The following BBOF1 variants were observed in gnomAD, a reference collection of about 807,000 sequenced individuals.
The protein encoded by BBOF1 is basal body-orientation factor 1.
A neutral mutation model predicts 68.0 loss-of-function variants in BBOF1; 62 were observed. The observed-to-expected ratio is 0.91, with a 90% confidence interval of 0.74 to 1.13. The LOEUF (loss-of-function observed/expected upper bound fraction) is 1.13, where lower values mean the gene tolerates loss of function less well. BBOF1 is among the 50% of genes most tolerant of loss of function. The pLI is 0.00. For synonymous variants in BBOF1, 208 were observed against 198.8 expected (o/e 1.05, Z -0.39); for missense variants, 534 against 600.1 (o/e 0.89, Z 1.15).
intron 2 of BBOF1, 73 bp from the exon 3 acceptor site, chr14:74,029,111 C>T: frequency 1.1e-6 from 1 of 898,476 alleles, no homozygotes; most frequent in South Asian, 1.5e-5. Context: ...TTGTGTGAAA[C>T]TAGTCTACTT....
At chr14:74,071,608 A>G in intron 9 of BBOF1, 1 of 1,590,008 alleles carries the variant, frequency 6.3e-7, no homozygotes, top group Non-Finnish European at 8.5e-7. Context: ...GAAGGGGTGC[A>G]GGGTACACTG....
At chr14:74,040,276 AC>A (rs1309470683) in intron 4 of BBOF1, among the ~76,000 whole-genome samples, 1 of 152,212 alleles carries the variant, frequency 6.6e-6, no homozygotes, top group Admixed American at 6.5e-5. Flanking sequence ...GGTGTGAGCC[AC>A]CGTGCTCAGC....
intron 5 of BBOF1, among the ~76,000 whole-genome samples, chr14:74,042,037 AAACAACAAC>A (rs147407110): frequency 6.6e-6 from 1 of 151,832 alleles, no homozygotes; most frequent in Non-Finnish European, 1.5e-5. Flanking sequence ...ACTCTGTCTC[AAACAACAAC>A]AACAACAACA....
chr14:74,062,197 C>CA (rs1440226577), intron 11 of BBOF1, among the ~76,000 whole-genome samples: 2 of 151,388 alleles, frequency 1.3e-5, no homozygotes, highest in South Asian at 4.2e-4. Context: ...ACTCCCATCT[C>CA]AAAAAAATAA....
intron 10 of BBOF1, among the ~76,000 whole-genome samples, chr14:74,080,334 A>G (rs2060658031): frequency 6.6e-6 from 1 of 151,578 alleles, no homozygotes; most frequent in Non-Finnish European, 1.5e-5. Flanking sequence ...ATAGCTTCCT[A>G]ACACATCTCT....
rs768819153 is a variant in BBOF1, at chr14:74,071,895, C to T, written n.1380-6301C>T. 9.3e-6 allele frequency: 15 copies of T among 1,614,122 alleles called. No homozygotes were observed. Among genetic ancestry groups the T allele is most frequent in the Middle Eastern group, 1.7e-4 (1 of 6,060 alleles). Reference sequence around the variant, plus strand: ...AGTCCCATAAGGGGCTCCCAGCTTACGAAGGCCTCGAAATACATCTCCTTC... The same window carrying T: ...AGTCCCATAAGGGGCTCCCAGCTTATGAAGGCCTCGAAATACATCTCCTTC... On this transcript the variant is annotated intron_variant and non_coding_transcript_variant, in intron 9 of 12. Transcript: ENST00000492026.
intron 5 of BBOF1, 44 bp from the exon 6 acceptor site, chr14:74,046,016 T>G (rs776492251): frequency 1.3e-6 from 2 of 1,524,494 alleles, no homozygotes; most frequent in South Asian, 2.5e-5. Flanking sequence ...GTAAAATTTG[T>G]TGTTAGGGGC....
intron 1 of BBOF1, 82 bp downstream of exon 1, chr14:74,019,616 C>A: frequency 1.3e-6 from 2 of 1,535,002 alleles, no homozygotes; most frequent in South Asian, 1.2e-5. Flanking sequence ...TGGCGCCCCC[C>A]GCGCCGGCCC....
intron 5 of BBOF1, among the ~76,000 whole-genome samples, chr14:74,045,302 A>ATTCTT (rs10693302): frequency 0.24 from 36,418 of 151,744 alleles, 4,885 homozygotes; most frequent in South Asian, 0.46. Context: ...TGCTCATAGT[A>ATTCTT]TTATTTTTTA....
intron 4 of BBOF1, among the ~76,000 whole-genome samples, chr14:74,035,521 A>G (rs1471172223): frequency 7.1e-6 from 1 of 140,818 alleles, no homozygotes; most frequent in African/African-American, 2.7e-5. Flanking sequence ...GGTTCAAGCG[A>G]TTCTCGCTGC....
intron 2 of BBOF1, among the ~76,000 whole-genome samples, chr14:74,025,239 A>G (rs1221480581): frequency 2.6e-5 from 4 of 152,172 alleles, no homozygotes; most frequent in African/African-American, 4.8e-5. Context: ...GGTCTACATC[A>G]GTATCACTTG....
chr14:74,041,610 T>A (rs1595054457), intron 5 of BBOF1, among the ~76,000 whole-genome samples: 1 of 152,144 alleles, frequency 6.6e-6, no homozygotes. Context: ...AGTGCAGTGG[T>A]TCAGTCACAG....
At chr14:74,071,790 A>T in intron 9 of BBOF1, 1 of 1,488,734 alleles carries the variant, frequency 6.7e-7, no homozygotes, top group Non-Finnish European at 9.4e-7. Flanking sequence ...ATATCATGGG[A>T]TGGCAAAATC....
chr14:74,079,960 C>A (rs1259534169), intron 10 of BBOF1, among the ~76,000 whole-genome samples: 1 of 152,118 alleles, frequency 6.6e-6, no homozygotes, highest in African/African-American at 2.4e-5. Context: ...ATCACCTAAG[C>A]CTTGGAGATT....
intron 1 of BBOF1, among the ~76,000 whole-genome samples, chr14:74,022,271 A>T (rs922958369): frequency 4.6e-5 from 7 of 152,130 alleles, no homozygotes; most frequent in African/African-American, 7.2e-5. Context: ...AAACTGCCCA[A>T]GCGCAGTGGC....
rs1135886 is a variant in BBOF1 at position 74,060,209 on chromosome 14, G to A, written c.1578+2951G>A. The A allele has an allele frequency of 0.11, 18,059 of 158,106 alleles. 1,357 individuals carry two copies. The highest frequency in any genetic ancestry group is 0.2 in the Admixed American group (3,241 of 16,444). 9.8% of individuals were successfully genotyped at this position (158,106 alleles called of 1,614,324 possible). ...TTTTAAATAATAGATACGGGGTTTC[G>A]CCACGTTCTTCAACTCCTGGGCTCA... On this transcript the variant is annotated intron_variant, in intron 11 of 11. Coordinates refer to ENST00000394009, the MANE Select transcript of BBOF1 (RefSeq NM_025057.3).
intron 8 of BBOF1, among the ~76,000 whole-genome samples, chr14:74,053,754 C>T (rs1444038560): frequency 6.6e-6 from 1 of 151,412 alleles, no homozygotes; most frequent in Non-Finnish European, 1.5e-5. Context: ...CTCTGTCGCC[C>T]AGGCTGGAGT....
At chr14:74,072,498 T>C in intron 9 of BBOF1, 3 of 1,613,804 alleles carry the variant, frequency 1.9e-6, no homozygotes, top group Non-Finnish European at 2.5e-6. Flanking sequence ...CCTAGAATTC[T>C]AGGCTCATAA....
intron 11 of BBOF1, chr14:74,059,489 A>C (rs2060292190): frequency 2.3e-6 from 1 of 427,674 alleles, no homozygotes. Flanking sequence ...TGAGGTCAGG[A>C]GTTCGAGACC....
Sources: gnomAD v4.1 joint callset for allele counts (sites outside exome capture counted in the v4.1 genomes callset) on GRCh38, gnomAD v4.1.1 for gene constraint, MANE v1.5 for transcripts, NCBI Gene and HGNC (gene_info 2026-07-23, HGNC 2026-07-21) for gene names.